SLIT1: variants seen among roughly 807,000 people sequenced by gnomAD.
SLIT1 encodes slit homolog 1 protein.
In SLIT1, 66 loss-of-function variants were observed where a neutral mutation model predicts 186.1. That is an observed-to-expected ratio of 0.35 (90% CI 0.29 to 0.44). SLIT1 has a LOEUF of 0.44. Ranked by LOEUF, SLIT1 falls within the 20% of genes least tolerant of loss-of-function variation. The pLI is 1.00. For missense variants in SLIT1, 1,638 were observed against 2,037.4 expected, an observed-to-expected ratio of 0.80 and a Z score of 3.77; for synonymous variants, 761 against 833.8, an observed-to-expected ratio of 0.91 and a Z score of 1.50.
intron 18 of SLIT1, among the ~76,000 whole-genome samples, chr10:97,046,213 G>T (rs898194830): frequency 6.6e-6 from 1 of 152,166 alleles, no homozygotes; most frequent in Non-Finnish European, 1.5e-5. Context: ...GTCAGCTCAG[G>T]CTGGGCTGTG....
chr10:97,144,621 C>T (rs1050007011), intron 4 of SLIT1, among the ~76,000 whole-genome samples: 1 of 152,136 alleles, frequency 6.6e-6, no homozygotes, highest in Non-Finnish European at 1.5e-5. Flanking sequence ...GAGGGCAGGC[C>T]CCGCTAAGTC....
At chr10:97,142,014 G>A (rs1201318919) in intron 4 of SLIT1, among the ~76,000 whole-genome samples, 1 of 151,924 alleles carries the variant, frequency 6.6e-6, no homozygotes, top group Non-Finnish European at 1.5e-5. Context: ...CTGGTCCTTG[G>A]CTGGTCTCTA....
At chr10:97,049,790 C>T (rs1848771239) in intron 13 of SLIT1, among the ~76,000 whole-genome samples, 1 of 152,256 alleles carries the variant, frequency 6.6e-6, no homozygotes, top group Non-Finnish European at 1.5e-5. Flanking sequence ...CATGACTGAG[C>T]AGCCCCTTGC....
intron 4 of SLIT1, among the ~76,000 whole-genome samples, chr10:97,149,453 C>A (rs1748773673): frequency 6.6e-6 from 1 of 152,130 alleles, no homozygotes; most frequent in South Asian, 2.1e-4. Context: ...GCATGGCTCT[C>A]ACATTGAACC....
At position 97,019,464 on chromosome 10, in the gene SLIT1, C is replaced by A. The variant is rs76103878; in HGVS notation, c.2747-357G>T. Among the ~76,000 whole-genome samples the A allele has an allele frequency of 2.0e-4, 30 of 152,308 alleles. 2 individuals are homozygous for A. The East Asian group carries it at 5.8e-3, about 29-fold the overall frequency. On this transcript the variant is annotated intron_variant, in intron 26 of 36. Coordinates refer to ENST00000266058, the MANE Select transcript of SLIT1 (RefSeq NM_003061.3). ...CTACCACCGAAGTTGGCCAACCCTTCCTCTTTCCCCTCATGCCCTTCTGAG... is the reference window on the plus strand; with the variant it reads ...CTACCACCGAAGTTGGCCAACCCTTACTCTTTCCCCTCATGCCCTTCTGAG...
At chr10:97,166,697 C>T (rs1310917547) in intron 1 of SLIT1, among the ~76,000 whole-genome samples, 1 of 151,902 alleles carries the variant, frequency 6.6e-6, no homozygotes, top group Non-Finnish European at 1.5e-5. Flanking sequence ...AAAGAGCGAG[C>T]TTGATCTGGG....
chr10:97,173,750 C>A (rs1850221473), intron 1 of SLIT1, among the ~76,000 whole-genome samples: 1 of 152,092 alleles, frequency 6.6e-6, no homozygotes, highest in South Asian at 2.1e-4. Context: ...CTGAGCGCAG[C>A]TGCAAGACTT....
At position 97,184,007 on chromosome 10, in the gene SLIT1, A is replaced by C. The variant is rs2134751563; in HGVS notation, c.197+1471T>G. 7.2e-6 allele frequency among the ~76,000 whole-genome samples: 1 copy of C among 139,780 alleles called. No homozygotes were observed. The allele number at this position is 139,780 out of a possible 152,430, so 91.7% of individuals were successfully genotyped here. On this transcript the variant is annotated intron_variant, in intron 1 of 36. Transcript: ENST00000266058. This position sits in a 1 kb window ranked among gnomAD's most constrained non-coding sequence, Gnocchi z 4.4. ...AACACACAAGCATTCACACACACAC[A>C]TACACATGCACCACACACACACACA...
At chr10:97,156,920 T>C (rs529064567) in intron 4 of SLIT1, among the ~76,000 whole-genome samples, 4 of 152,308 alleles carry the variant, frequency 2.6e-5, no homozygotes, top group East Asian at 3.9e-4. Flanking sequence ...TTAAGGTTAT[T>C]AATGACAACA....
chr10:97,145,087 G>A (rs1849802799), intron 4 of SLIT1, among the ~76,000 whole-genome samples: 1 of 152,050 alleles, frequency 6.6e-6, no homozygotes, highest in African/African-American at 2.4e-5. Flanking sequence ...GGTGGTATGT[G>A]GGGGCATGTA....
intron 9 of SLIT1, 108 bp from the exon 10 acceptor site, chr10:97,060,266 C>A: frequency 2.3e-6 from 2 of 885,836 alleles, no homozygotes; most frequent in East Asian, 2.6e-5. Flanking sequence ...CCTCTTGCCC[C>A]TGCTCCCTTC....
At chr10:97,032,693 G>A (rs1848602404) in intron 23 of SLIT1, among the ~76,000 whole-genome samples, 1 of 152,180 alleles carries the variant, frequency 6.6e-6, no homozygotes. Context: ...GGGCAGACAG[G>A]CAGATTAACA....
At chr10:97,135,876 A>T (rs1180982450) in intron 4 of SLIT1, among the ~76,000 whole-genome samples, 1 of 152,136 alleles carries the variant, frequency 6.6e-6, no homozygotes, top group Non-Finnish European at 1.5e-5. Flanking sequence ...TGCTCCATAG[A>T]AAAATGCCCA....
intron 4 of SLIT1, among the ~76,000 whole-genome samples, chr10:97,082,067 G>A (rs1197239285): frequency 6.6e-6 from 1 of 152,252 alleles, no homozygotes; most frequent in African/African-American, 2.4e-5. Flanking sequence ...GGCATGTGCT[G>A]ACTGCAGTGC....
chr10:97,090,303 C>T (rs1339085284), intron 4 of SLIT1, among the ~76,000 whole-genome samples: 2 of 152,086 alleles, frequency 1.3e-5, no homozygotes, highest in South Asian at 2.1e-4. Context: ...AAGGGAGAAA[C>T]GAAGTGACAA....
chr10:97,158,011 T>C, intron 3 of SLIT1, 122 bp from the exon 4 acceptor site: 1 of 753,814 alleles, frequency 1.3e-6, no homozygotes, highest in Non-Finnish European at 2.3e-6. Context: ...ACAGGGTCCA[T>C]GTGGCATCCC....
chr10:97,071,867 T>G (rs557946006), intron 4 of SLIT1, among the ~76,000 whole-genome samples: 1 of 152,256 alleles, frequency 6.6e-6, no homozygotes, highest in Non-Finnish European at 1.5e-5. Context: ...TAGATCCTTA[T>G]AATTAATGGG....
intron 25 of SLIT1, among the ~76,000 whole-genome samples, chr10:97,027,618 T>C (rs542164475): frequency 6.6e-6 from 1 of 152,374 alleles, no homozygotes; most frequent in Admixed American, 6.5e-5. Flanking sequence ...TCTTTACTTA[T>C]TGGTTTATTT....
At chr10:97,059,693 C>A in intron 10 of SLIT1, 162 bp from the exon 11 acceptor site, 1 of 663,186 alleles carries the variant, frequency 1.5e-6, no homozygotes. Flanking sequence ...AAGCCCATGG[C>A]CGCTATTTCC....
Sources: allele counts gnomAD v4.1 joint callset (sites outside exome capture counted in the v4.1 genomes callset), GRCh38; gene constraint gnomAD v4.1.1; non-coding constraint Gnocchi (gnomAD v3.1); transcripts MANE v1.5; gene names NCBI Gene and HGNC (gene_info 2026-07-23, HGNC 2026-07-21).